The following TMEM132D variants were observed in gnomAD, a reference collection of about 807,000 sequenced individuals.
TMEM132D encodes transmembrane protein 132D.
TMEM132D carries 21 observed loss-of-function variants against 62.3 expected under a neutral mutation model. The observed-to-expected ratio is 0.34, with a 90% CI of 0.24 to 0.49. The LOEUF is 0.49. TMEM132D is among the 20% of genes least tolerant of loss of function. The probability of loss-of-function intolerance (pLI) is 0.99; values close to 1 mark genes in which losing one functional copy is unlikely to be tolerated. For synonymous variants in TMEM132D, 621 were observed against 575.6 expected, an observed-to-expected ratio of 1.08 and a Z score of -1.13; for missense variants, 1,346 against 1,402.8, an observed-to-expected ratio of 0.96 and a Z score of 0.65.
chr12:129,770,777 A>G (rs1403788802), intron 1 of TMEM132D, among the ~76,000 whole-genome samples: 1 of 152,216 alleles, frequency 6.6e-6, no homozygotes, highest in African/African-American at 2.4e-5. Context: ...AAAGTCTTGA[A>G]TAGCTCATGA....
rs74681725 is a variant in TMEM132D, at chr12:129,327,800, C to T, written c.1299+9834G>A. On this transcript the variant is annotated intron_variant, in intron 4 of 8. Transcript: ENST00000422113. Reference sequence around the variant, plus strand: ...GGATCTCTCCCTGCAAATCTGATCTCCTCATAGCATTCAGAGTGATATTAA... The same window carrying T: ...GGATCTCTCCCTGCAAATCTGATCTTCTCATAGCATTCAGAGTGATATTAA... Among the ~76,000 whole-genome samples, 40 of 152,298 alleles carry T rather than the reference C, an allele frequency of 2.6e-4. 1 individual carries two copies. The East Asian group carries it at 6.8e-3, about 26-fold the overall frequency.
At chr12:129,190,150 A>G (rs182790603) in intron 5 of TMEM132D, among the ~76,000 whole-genome samples, 348 of 32,202 alleles carry the variant, frequency 0.011, 3 homozygotes, top group African/African-American at 0.036. Flanking sequence ...AGGGGGTCTC[A>G]GGCCTGCAGA....
chr12:129,888,514 A>G (rs1167327394), intron 1 of TMEM132D, among the ~76,000 whole-genome samples: 1 of 152,170 alleles, frequency 6.6e-6, no homozygotes, highest in Non-Finnish European at 1.5e-5. Flanking sequence ...CCTGGACAAC[A>G]TGGTGAAACC....
At chr12:129,704,416 T>C (rs143461354) in intron 1 of TMEM132D, among the ~76,000 whole-genome samples, 41 of 152,304 alleles carry the variant, frequency 2.7e-4, no homozygotes, top group Middle Eastern at 6.8e-3. Flanking sequence ...GACCCAAGCA[T>C]AGGGGGCGCC....
chr12:129,718,881 C>T (rs1049953525), intron 1 of TMEM132D, among the ~76,000 whole-genome samples: 1 of 152,094 alleles, frequency 6.6e-6, no homozygotes, highest in South Asian at 2.1e-4. Context: ...ATGCTCAATA[C>T]GTTTTAGTTA....
chr12:129,269,063 A>G (rs1040187771), intron 4 of TMEM132D, among the ~76,000 whole-genome samples: 1 of 151,484 alleles, frequency 6.6e-6, no homozygotes, highest in African/African-American at 2.4e-5. Context: ...AGATATACCT[A>G]ATGCTAAATG....
chr12:129,114,982 C>G (rs970600546), intron 5 of TMEM132D, among the ~76,000 whole-genome samples: 1 of 152,150 alleles, frequency 6.6e-6, no homozygotes, highest in African/African-American at 2.4e-5. Context: ...CTGCCATGAA[C>G]CATCCTGTAC....
intron 1 of TMEM132D, among the ~76,000 whole-genome samples, chr12:129,901,810 C>T (rs1170729256): frequency 6.6e-6 from 1 of 151,886 alleles, no homozygotes; most frequent in African/African-American, 2.4e-5. Context: ...CTTGTTATTG[C>T]AGCATAAACA....
chr12:129,479,357 G>A (rs1874363724), intron 3 of TMEM132D, among the ~76,000 whole-genome samples: 1 of 152,118 alleles, frequency 6.6e-6, no homozygotes, highest in South Asian at 2.1e-4. Flanking sequence ...CCAGAAGACA[G>A]AGAATCTTTA....
chr12:129,803,220 A>G (rs1390912403), intron 1 of TMEM132D, among the ~76,000 whole-genome samples: 1 of 150,578 alleles, frequency 6.6e-6, no homozygotes, highest in Non-Finnish European at 1.5e-5. Context: ...CTCCACCCCA[A>G]ATCAACAGAA....
At chr12:129,816,485 C>T (rs1872348914) in intron 1 of TMEM132D, among the ~76,000 whole-genome samples, 2 of 152,082 alleles carry the variant, frequency 1.3e-5, no homozygotes, top group Non-Finnish European at 2.9e-5. Flanking sequence ...AACTGCCTAT[C>T]CAGCTTATAC....
intron 4 of TMEM132D, 56 bp from the exon 5 acceptor site, chr12:129,209,719 T>G: frequency 6.3e-7 from 1 of 1,599,954 alleles, no homozygotes; most frequent in Non-Finnish European, 8.5e-7. Flanking sequence ...GCCCAGTCCC[T>G]GGGAGTATGC....
rs891329238 is a variant in TMEM132D at position 129,277,059 on chromosome 12, G to A, written c.1299+60575C>T. ...ATTCTAAGTCTGACCAAAGGCTAAGGCTTCCAAAGCCAGCATAAATGGACG... is the reference window on the plus strand; with the variant it reads ...ATTCTAAGTCTGACCAAAGGCTAAGACTTCCAAAGCCAGCATAAATGGACG... On this transcript the variant is annotated intron_variant, in intron 4 of 8. Transcript: ENST00000422113. The surrounding 1 kb of genome is among the most constrained non-coding windows in gnomAD (Gnocchi z 4.2). Among the ~76,000 whole-genome samples the A allele has an allele frequency of 6.6e-6, 1 of 152,114 alleles. No individual in the cohort carries two copies. Among genetic ancestry groups the A allele is most frequent in the African/African-American group, 2.4e-5 (1 of 41,410 alleles).
At chr12:129,247,909 A>C (rs1018053987) in intron 4 of TMEM132D, among the ~76,000 whole-genome samples, 17 of 152,026 alleles carry the variant, frequency 1.1e-4, no homozygotes, top group African/African-American at 3.6e-4. Flanking sequence ...ACTTGAAAAA[A>C]CATGAAACTC....
intron 1 of TMEM132D, among the ~76,000 whole-genome samples, chr12:129,753,754 C>A (rs1870074456): frequency 6.6e-6 from 1 of 152,184 alleles, no homozygotes; most frequent in Non-Finnish European, 1.5e-5. Flanking sequence ...GACACATTTG[C>A]CACCTGATGA....
chr12:129,682,413 C>T (rs1880799797), intron 2 of TMEM132D, among the ~76,000 whole-genome samples: 1 of 152,130 alleles, frequency 6.6e-6, no homozygotes, highest in African/African-American at 2.4e-5. Context: ...GACAGGTGCC[C>T]AGAGCTGCAA....
At chr12:129,612,793 G>A (rs1269793672) in intron 2 of TMEM132D, among the ~76,000 whole-genome samples, 1 of 152,082 alleles carries the variant, frequency 6.6e-6, no homozygotes, top group African/African-American at 2.4e-5. Context: ...GGGCTTTTTG[G>A]AAGGCAGAGG....
chr12:129,688,125 T>G (rs540926564), intron 2 of TMEM132D, among the ~76,000 whole-genome samples: 1 of 152,146 alleles, frequency 6.6e-6, no homozygotes, highest in Non-Finnish European at 1.5e-5. Flanking sequence ...ATTAACATCC[T>G]GAAAAGAGAA....
At position 129,178,862 on chromosome 12, in the gene TMEM132D, G is replaced by A. The variant is rs567965802; in HGVS notation, c.1443+30658C>T. On this transcript the variant is annotated intron_variant, in intron 5 of 8. Coordinates refer to ENST00000422113, the MANE Select transcript of TMEM132D (RefSeq NM_133448.3). The stretch of plus-strand genomic sequence containing the variant: ...TGAACCTGGGTTTGGCCAGGTGGCT[G>A]CTGTGGGTCAAAGGAACACCAGCAG... Among the ~76,000 whole-genome samples the A allele has an allele frequency of 4.6e-5, 7 of 152,324 alleles. No homozygotes were observed. The South Asian group carries it at 1.4e-3, about 32-fold the overall frequency.
Sources: allele counts gnomAD v4.1 joint callset (sites outside exome capture counted in the v4.1 genomes callset), GRCh38; gene constraint gnomAD v4.1.1; non-coding constraint Gnocchi (gnomAD v3.1); transcripts MANE v1.5; gene names NCBI Gene and HGNC (gene_info 2026-07-23, HGNC 2026-07-21).